The following KDM3B variants were observed in gnomAD, a reference collection of about 807,000 sequenced individuals.
KDM3B encodes lysine demethylase 3B.
A neutral mutation model predicts 170.0 loss-of-function variants in KDM3B; 10 were observed. The ratio of observed to expected loss-of-function variants is 0.06; its 90% CI spans 0.04 to 0.10. The LOEUF (loss-of-function observed/expected upper bound fraction) is 0.10, where lower values mean the gene tolerates loss of function less well. Ranked by LOEUF, KDM3B falls within the 10% of genes least tolerant of loss-of-function variation. The pLI is 1.00. For synonymous variants in KDM3B, 831 were observed against 834.8 expected, an observed-to-expected ratio of 1.00 and a Z score of 0.08; for missense variants, 1,394 against 2,195.2, an observed-to-expected ratio of 0.64 and a Z score of 7.29.
At chr5:138,355,073 C>T (rs961057841) in intron 1 of KDM3B, among the ~76,000 whole-genome samples, 1 of 152,182 alleles carries the variant, frequency 6.6e-6, no homozygotes, top group Non-Finnish European at 1.5e-5. Flanking sequence ...ATTTGCACCA[C>T]ACACGGTAGT....
chr5:138,374,963 A>G (rs1561762080), intron 2 of KDM3B, 130 bp from the exon 3 acceptor site: 3 of 598,132 alleles, frequency 5.0e-6, no homozygotes, highest in Non-Finnish European at 9.1e-6. Flanking sequence ...CCAAGGACTT[A>G]TGCTTTAGCT....
At chr5:138,394,045 C>CA (rs939696165) in intron 9 of KDM3B, among the ~76,000 whole-genome samples, 9 of 151,786 alleles carry the variant, frequency 5.9e-5, no homozygotes, top group African/African-American at 2.2e-4. Flanking sequence ...CAGTGAACAA[C>CA]AAAAAAATCA....
intron 17 of KDM3B, among the ~76,000 whole-genome samples, chr5:138,426,544 C>T (rs1763397455): frequency 7.0e-6 from 1 of 142,766 alleles, no homozygotes; most frequent in Non-Finnish European, 1.5e-5. Flanking sequence ...CACTGCACTC[C>T]AGCCTGGGCA....
chr5:138,432,520 T>A (rs1763560265), intron 23 of KDM3B, among the ~76,000 whole-genome samples: 1 of 151,900 alleles, frequency 6.6e-6, no homozygotes. Context: ...ATACAAAAAA[T>A]TAGCTGGGCG....
At chr5:138,373,333 C>T (rs1160566118) in intron 2 of KDM3B, among the ~76,000 whole-genome samples, 1 of 152,020 alleles carries the variant, frequency 6.6e-6, no homozygotes, top group Non-Finnish European at 1.5e-5. Context: ...AGTGAGACCC[C>T]TGTCTCAAAA....
chr5:138,404,483 C>T (rs1307765887), intron 11 of KDM3B, among the ~76,000 whole-genome samples: 2 of 151,908 alleles, frequency 1.3e-5, no homozygotes, highest in South Asian at 2.1e-4. Context: ...CAAAATTAGC[C>T]GGGTGTGGTG....
chr5:138,420,666 C>CT, intron 14 of KDM3B, 40 bp from the exon 15 acceptor site: 1 of 1,608,278 alleles, frequency 6.2e-7, no homozygotes, highest in Non-Finnish European at 8.5e-7. Context: ...CTGATTATTC[C>CT]TTTTTGTACC....
intron 11 of KDM3B, among the ~76,000 whole-genome samples, chr5:138,402,806 T>C (rs1006070768): frequency 7.2e-5 from 11 of 152,208 alleles, no homozygotes; most frequent in Non-Finnish European, 1.5e-4. Flanking sequence ...GCACAGTTTC[T>C]AGGCTACAGC....
chr5:138,399,300 G>T (rs13175881), intron 10 of KDM3B, among the ~76,000 whole-genome samples: 3 of 151,830 alleles, frequency 2.0e-5, no homozygotes, highest in African/African-American at 7.3e-5. Context: ...AGCACTTTGG[G>T]AGGCAGAGGC....
At chr5:138,372,942 T>C in intron 2 of KDM3B, 101 bp downstream of exon 2, 1 of 1,022,314 alleles carries the variant, frequency 9.8e-7, no homozygotes, top group South Asian at 2.7e-5. Context: ...ACATACTTTG[T>C]CCTTAACGTA....
chr5:138,391,804 C>A lies in KDM3B; in HGVS notation c.2172C>A (p.Arg724=). 1 of 1,614,088 alleles carries A rather than the reference C, an allele frequency of 6.2e-7. No homozygotes were observed. Among genetic ancestry groups the A allele is most frequent in the Non-Finnish European group, 8.5e-7 (1 of 1,180,008 alleles). The part of the protein sequence containing the change: ...GPSLSAMGNG[R]SSSPTSSLTQ... ...GCCTCTCTGCCATGGGGAATGGCCG[C>A]TCCAGCTCGCCCACCAGCAGCCTCA... The change falls in exon 8 of 24, where the codon CGC becomes CGA. Residue 724 remains arginine, a synonymous_variant. Coordinates refer to ENST00000314358, the MANE Select transcript of KDM3B (RefSeq NM_016604.4). The surrounding 1 kb of genome is among the most constrained non-coding windows in gnomAD (Gnocchi z 5.0).
rs997250300 is a variant in KDM3B, at chr5:138,352,696, G to A, written c.-100G>A. The A allele has an allele frequency of 4.2e-6, 4 of 958,632 alleles. No homozygotes were observed. The highest frequency in any genetic ancestry group is 1.0e-4 in the South Asian group (2 of 19,912). 59.4% of individuals were successfully genotyped at this position (958,632 alleles called of 1,614,324 possible). On this transcript the variant is annotated 5_prime_UTR_variant, in exon 1 of 24. Transcript: ENST00000314358. ...GGGGGGGTGGGGGGGAACGGCGGCC[G>A]CGGGTGGTGCGGAGGGAGGCCTTGC...
chr5:138,373,422 C>G (rs1188591775), intron 2 of KDM3B, among the ~76,000 whole-genome samples: 1 of 151,968 alleles, frequency 6.6e-6, no homozygotes, highest in Non-Finnish European at 1.5e-5. Flanking sequence ...TTATTTGTAA[C>G]CTTTAAAGTT....
chr5:138,365,930 G>A (rs1214694386), intron 1 of KDM3B, among the ~76,000 whole-genome samples: 1 of 152,066 alleles, frequency 6.6e-6, no homozygotes, highest in African/African-American at 2.4e-5. Context: ...CCCGGGAAGC[G>A]GAGATTGCAG....
Position 138,419,075 on chromosome 5 carries a change from C to G in KDM3B, c.3558C>G (p.Ile1186Met), listed in dbSNP as rs187943951. ...TTCCCAAAGCCGACAGCACTGACAT[C>G]AGATCTGAAGAGCCTCTGAAAACAG... is the stretch of plus-strand genomic sequence containing the variant. ...DHVPKADSTD[I>M]RSEEPLKTDS... Residue 1186 changes from isoleucine (I) to methionine (M), a missense_variant, in exon 14 of 24, where the codon ATC (isoleucine) becomes ATG (methionine). Coordinates refer to ENST00000314358, the MANE Select transcript of KDM3B (RefSeq NM_016604.4). 6.2e-7 allele frequency: 1 copy of G among 1,614,228 alleles called. No homozygotes were observed. Among genetic ancestry groups the G allele is most frequent in the East Asian group, 2.2e-5 (1 of 44,892 alleles).
intron 12 of KDM3B, among the ~76,000 whole-genome samples, chr5:138,417,084 G>A (rs1370456266): frequency 5.3e-5 from 8 of 152,288 alleles, no homozygotes; most frequent in African/African-American, 1.9e-4. Context: ...GGCCTCCCAC[G>A]TGCTGGGATT....
rs560410447 is a variant in KDM3B at position 138,420,847 on chromosome 5, A to G, written c.3857A>G (p.Asn1286Ser). ...TTGCTGGGTCCCACTGCCTCCAACA[A>G]CAAAACCGAAGGGTCTAGCCTTCGA... The part of the protein sequence containing the change: ...SLLLGPTASN[N>S]KTEGSSLRDL... The change falls in exon 15 of 24, where the codon AAC becomes AGC. Residue 1286 changes from asparagine to serine, a missense_variant. Asn to Ser is a conservative substitution (Grantham distance 46). This residue lies in a region of KDM3B where 137 missense variants were observed against 166.9 expected (regional missense o/e 0.82). Transcript: ENST00000314358. 3.1e-6 allele frequency: 5 copies of G among 1,614,122 alleles called. No individual in the cohort carries two copies. The Admixed American group carries it at 8.3e-5, about 27-fold the overall frequency.
intron 7 of KDM3B, among the ~76,000 whole-genome samples, chr5:138,387,808 A>G (rs559396177): frequency 1.3e-5 from 2 of 152,266 alleles, no homozygotes; most frequent in East Asian, 1.9e-4. Context: ...TTGGCCAGGC[A>G]CAGTAGCTCA....
intron 6 of KDM3B, among the ~76,000 whole-genome samples, chr5:138,383,811 G>C (rs965459719): frequency 2.0e-5 from 3 of 152,094 alleles, no homozygotes; most frequent in African/African-American, 4.8e-5. Flanking sequence ...TTAGCTGGGC[G>C]TAGTGGCGGG....
Sources: allele counts gnomAD v4.1 joint callset (sites outside exome capture counted in the v4.1 genomes callset), GRCh38; gene constraint gnomAD v4.1.1; regional missense constraint gnomAD v4.1.1; non-coding constraint Gnocchi (gnomAD v3.1); transcripts MANE v1.5; gene names NCBI Gene and HGNC (gene_info 2026-07-23, HGNC 2026-07-21).